The following ZNF324B variants were observed in gnomAD, a reference collection of about 807,000 sequenced individuals.
ZNF324B encodes the protein zinc finger protein 324B.
A neutral mutation model predicts 10.6 loss-of-function variants in ZNF324B; 7 were observed. The ratio of observed to expected loss-of-function variants is 0.66; its 90% CI spans 0.38 to 1.24. The LOEUF is 1.24. ZNF324B is among the 50% of genes most tolerant of loss of function. The pLI is 0.02. For synonymous variants in ZNF324B, 316 were observed against 321.0 expected, an observed-to-expected ratio of 0.98 and a Z score of 0.17; for missense variants, 640 against 764.7, an observed-to-expected ratio of 0.84 and a Z score of 1.92.
chr19:58,436,510 C>CA, the ZNF324B span, among the ~76,000 whole-genome samples: 610 of 150,912 alleles, frequency 4.0e-3, 5 homozygotes, highest in Non-Finnish European at 6.5e-3. Context: ...ACTGAAAATA[C>CA]AAAAAAAATT....
upstream of ZNF324B, among the ~76,000 whole-genome samples, chr19:58,449,216 G>A (rs143096415): frequency 2.1e-4 from 32 of 152,362 alleles, no homozygotes; most frequent in East Asian, 5.4e-3. Flanking sequence ...TGGGTGCACA[G>A]AACTCAAGAA....
At chr19:58,434,216 T>C in the ZNF324B span, 1 of 1,614,198 alleles carries the variant, frequency 6.2e-7, no homozygotes, top group East Asian at 2.2e-5. Context: ...CTGAAGGATT[T>C]ACCACATTGA....
chr19:58,457,508 A>C lies in ZNF324B; in HGVS notation c.*929A>C, dbSNP rs1077420. Reference sequence around the variant, plus strand: ...TCATTTTTGCTGGATTTGGTGGCCGATCCCCGCCCCCACCCCCACCCCCTC... The same window carrying C: ...TCATTTTTGCTGGATTTGGTGGCCGCTCCCCGCCCCCACCCCCACCCCCTC... On this transcript the variant is annotated 3_prime_UTR_variant, in exon 4 of 4. Transcript: ENST00000336614. 0.53 allele frequency: 74,191 copies of C among 140,960 alleles called. 21,402 individuals are homozygous for C. The highest frequency in any genetic ancestry group is 0.77 in the African/African-American group (28,557 of 36,938). The allele number at this position is 140,960 out of a possible 1,614,324, so 8.7% of individuals were successfully genotyped here. A position where few individuals can be genotyped will look rare whatever the true frequency, so the allele number is the denominator to read the frequency against.
chr19:58,436,983 G>A, the ZNF324B span: 3 of 1,610,086 alleles, frequency 1.9e-6, no homozygotes, highest in Non-Finnish European at 2.5e-6. Flanking sequence ...GATGAACAGA[G>A]CTTTCTATGG....
chr19:58,427,446 TC>T, the ZNF324B span, among the ~76,000 whole-genome samples: 1 of 68,078 alleles, frequency 1.5e-5, no homozygotes, highest in Admixed American at 1.5e-4. Flanking sequence ...TTCCTTCCTT[TC>T]CTTTCCCTTC....
the ZNF324B span, among the ~76,000 whole-genome samples, chr19:58,423,169 GT>G: frequency 2.6e-5 from 4 of 151,242 alleles, 1 homozygote; most frequent in South Asian, 4.2e-4. Context: ...ACACCCGGCT[GT>G]TTTTTTTGAG....
the ZNF324B span, chr19:58,435,350 G>T: frequency 1.1e-6 from 1 of 934,584 alleles, no homozygotes; most frequent in Non-Finnish European, 1.6e-6. Flanking sequence ...CATCATCAGG[G>T]TGAAGAAGGG....
upstream of ZNF324B, among the ~76,000 whole-genome samples, chr19:58,447,750 T>C (rs971995048): frequency 6.6e-6 from 1 of 152,168 alleles, no homozygotes; most frequent in Non-Finnish European, 1.5e-5. Context: ...TTTGGCTGTG[T>C]CCCCACCCAA....
chr19:58,433,149 A>G, the ZNF324B span: 5 of 683,328 alleles, frequency 7.3e-6, no homozygotes, highest in South Asian at 2.0e-5. Context: ...CTTATGCTGC[A>G]TGGGTGAGAT....
chr19:58,436,035 A>C, the ZNF324B span, among the ~76,000 whole-genome samples: 10 of 152,260 alleles, frequency 6.6e-5, no homozygotes, highest in Non-Finnish European at 1.3e-4. Context: ...ATATTGATAC[A>C]TGCTACAACA....
At chr19:58,435,480 T>G in the ZNF324B span, 1 of 364,072 alleles carries the variant, frequency 2.7e-6, no homozygotes, top group Non-Finnish European at 5.0e-6. Flanking sequence ...AAAGAAGATA[T>G]ATACACAAAT....
the ZNF324B span, among the ~76,000 whole-genome samples, chr19:58,424,711 G>A: frequency 6.6e-6 from 1 of 152,152 alleles, no homozygotes; most frequent in Admixed American, 6.5e-5. Flanking sequence ...ATGGTGGAGT[G>A]CACCTGTAGT....
chr19:58,451,653 G>A lies in ZNF324B; in HGVS notation c.-58G>A. ...TGGCTGCTCGCGTCAGGCCACACCG[G>A]TGGTCTGGGCTGTGGCGCGCGGGTC... is the stretch of plus-strand genomic sequence containing the variant. On this transcript the variant is annotated 5_prime_UTR_variant, in exon 1 of 4. In the 5' UTR this introduces an upstream ATG that the reference lacks. Transcript: ENST00000336614. 1 of 515,564 alleles carries A rather than the reference G, an allele frequency of 1.9e-6. No homozygotes were observed. The highest frequency in any genetic ancestry group is 3.9e-6 in the Non-Finnish European group (1 of 258,302). 31.9% of individuals were successfully genotyped at this position (515,564 alleles called of 1,614,324 possible). A position where few individuals can be genotyped will look rare whatever the true frequency, so the allele number is the denominator to read the frequency against.
rs758783435 is a variant in ZNF324B at position 58,455,008 on chromosome 19, G to A, written c.239-175G>A. ...CCCCACTGCAGTCAGTGCCACACCT[G>A]TCAGGGCAGATGCTTCCTCCAAACC... is the stretch of plus-strand genomic sequence containing the variant. On this transcript the variant is annotated intron_variant, in intron 3 of 3. Transcript: ENST00000336614. The surrounding 1 kb of genome is among the most constrained non-coding windows in gnomAD (Gnocchi z 7.0). 2.3e-6 allele frequency: 2 copies of A among 868,116 alleles called. No homozygotes were observed. Among genetic ancestry groups the A allele is most frequent in the East Asian group, 2.6e-5 (1 of 38,006 alleles). 53.8% of individuals were successfully genotyped at this position (868,116 alleles called of 1,614,324 possible).
chr19:58,439,653 G>T, the ZNF324B span: 2 of 1,259,828 alleles, frequency 1.6e-6, no homozygotes, highest in Non-Finnish European at 2.1e-6. Flanking sequence ...TGTGAGGACA[G>T]GACACGATCA....
chr19:58,445,404 A>T, the ZNF324B span: 1 of 518,790 alleles, frequency 1.9e-6, no homozygotes, highest in Non-Finnish European at 3.8e-6. Flanking sequence ...TGCAGCCAGC[A>T]TGGGAGAGCA....
intron 1 of ZNF324B, chr19:58,453,312 G>A: frequency 3.5e-6 from 1 of 289,036 alleles, no homozygotes; most frequent in Non-Finnish European, 6.7e-6. Context: ...TGCCTGGGGG[G>A]TCCACAGCTG....
At chr19:58,454,562 C>T in intron 3 of ZNF324B, 1 of 584,604 alleles carries the variant, frequency 1.7e-6, no homozygotes. Context: ...AAGGGCCTAC[C>T]TTCAGCTGGG....
upstream of ZNF324B, among the ~76,000 whole-genome samples, chr19:58,448,827 A>G (rs183095228): frequency 1.3e-5 from 2 of 152,384 alleles, no homozygotes; most frequent in Admixed American, 1.3e-4. Context: ...ATTCAGTTTT[A>G]AAAGGGAAAT....
Sources: gnomAD v4.1 joint callset for allele counts (sites outside exome capture counted in the v4.1 genomes callset) on GRCh38, gnomAD v4.1.1 for gene constraint, Gnocchi (gnomAD v3.1) non-coding constraint, MANE v1.5 for transcripts, NCBI Gene and HGNC (gene_info 2026-07-23, HGNC 2026-07-21) for gene names.